Variants in ERAP2 observed in about 807,000 individuals in gnomAD.
The protein encoded by ERAP2 is leukocyte-derived arginine aminopeptidase.
A neutral mutation model predicts 111.1 loss-of-function variants in ERAP2; 118 were observed. That is an observed-to-expected ratio of 1.06 (90% confidence interval 0.92 to 1.24). The LOEUF (loss-of-function observed/expected upper bound fraction) is 1.24, where lower values mean the gene tolerates loss of function less well. Ranked by LOEUF, ERAP2 falls within the 50% of genes most tolerant of loss-of-function variation. The pLI, the probability that ERAP2 is intolerant of heterozygous loss-of-function variation, is 0.00. For synonymous variants in ERAP2, 410 were observed against 401.2 expected, an observed-to-expected ratio of 1.02 and a Z score of -0.26; for missense variants, 1,131 against 1,125.8, an observed-to-expected ratio of 1.00 and a Z score of -0.07.
chr5:96,906,572 G>A (rs946971504), intron 13 of ERAP2, among the ~76,000 whole-genome samples: 8 of 152,214 alleles, frequency 5.3e-5, no homozygotes, highest in African/African-American at 1.9e-4. Context: ...CCAGAATGGA[G>A]AGAGAATTTG....
chr5:96,910,327 G>C (rs183002362), intron 15 of ERAP2: 1 of 150,320 alleles, frequency 6.7e-6, no homozygotes, highest in Non-Finnish European at 1.5e-5. Context: ...AACTTCTCTC[G>C]CTATAACTAA....
chr5:96,893,503 G>C (rs1334593722), intron 6 of ERAP2, among the ~76,000 whole-genome samples: 1 of 152,140 alleles, frequency 6.6e-6, no homozygotes, highest in African/African-American at 2.4e-5. Flanking sequence ...TAGGTGTTTT[G>C]ATCATGAGTC....
At chr5:96,909,148 T>C (rs1786429882) in intron 14 of ERAP2, 31 bp downstream of exon 14, 2 of 1,602,490 alleles carry the variant, frequency 1.2e-6, no homozygotes, top group Middle Eastern at 1.7e-4. Context: ...ATGTATTAAG[T>C]AAATACACAG....
intron 2 of ERAP2, among the ~76,000 whole-genome samples, chr5:96,883,386 G>A (rs1371916764): frequency 6.6e-6 from 1 of 152,162 alleles, no homozygotes; most frequent in Non-Finnish European, 1.5e-5. Context: ...TTACTCAAAT[G>A]TCTATCTGAG....
At chr5:96,909,220 G>A in intron 14 of ERAP2, 103 bp downstream of exon 14, 1 of 1,111,884 alleles carries the variant, frequency 9.0e-7, no homozygotes. Context: ...TAAATCTGGA[G>A]CAGCTCGGGG....
At chr5:96,895,020 G>T (rs1362097496) in intron 6 of ERAP2, among the ~76,000 whole-genome samples, 2 of 151,814 alleles carry the variant, frequency 1.3e-5, no homozygotes, top group African/African-American at 4.8e-5. Context: ...TAAGGGCATT[G>T]AGAACACACA....
chr5:96,915,779 T>G lies in ERAP2; in HGVS notation c.2739+10T>G. ...GGATAAGTTGCAAGAGGTTTGTGAC[T>G]TTCTGTTTTTAACAATTTCAAAATA... On this transcript the variant is annotated intron_variant, in intron 18 of 18. Coordinates refer to ENST00000437043, the MANE Select transcript of ERAP2 (RefSeq NM_022350.5). The G allele has an allele frequency of 6.3e-7, 1 of 1,582,350 alleles. No homozygotes were observed. Among genetic ancestry groups the G allele is most frequent in the Non-Finnish European group, 8.6e-7 (1 of 1,162,946 alleles).
At chr5:96,876,970 GTATTTATT>G (rs1428837223) in intron 1 of ERAP2, among the ~76,000 whole-genome samples, 1 of 151,844 alleles carries the variant, frequency 6.6e-6, no homozygotes, top group African/African-American at 2.4e-5. Flanking sequence ...TTTAATTTAT[GTATTTATT>G]TATTTATTTA....
chr5:96,885,742 G>A (rs1234532653), intron 3 of ERAP2, among the ~76,000 whole-genome samples: 1 of 152,028 alleles, frequency 6.6e-6, no homozygotes, highest in South Asian at 2.1e-4. Context: ...CTAGCTTGAA[G>A]AAAATGTTTT....
chr5:96,879,935 C>T lies in ERAP2; in HGVS notation c.250C>T (p.Pro84Ser). ...TCTCCATTATGACCTCTTTGTCCAC[C>T]CCAATCTCACCTCTCTGGACTTTGT... ...IPLHYDLFVH[P>S]NLTSLDFVAS... The change falls in exon 2 of 19, where the codon CCC becomes TCC. Residue 84 changes from proline to serine, a missense_variant. This residue lies in a region of ERAP2 where 847 missense variants were observed against 856.5 expected (regional missense o/e 0.99). Transcript: ENST00000437043. 1 of 1,614,152 alleles carries T rather than the reference C, an allele frequency of 6.2e-7. No homozygotes were observed. Among genetic ancestry groups the T allele is most frequent in the Non-Finnish European group, 8.5e-7 (1 of 1,180,030 alleles).
chr5:96,908,755 A>G (rs1340484171), intron 13 of ERAP2, among the ~76,000 whole-genome samples: 1 of 152,228 alleles, frequency 6.6e-6, no homozygotes, highest in Admixed American at 6.5e-5. Flanking sequence ...TCCCCATTGT[A>G]TAAAGAAGGC....
chr5:96,918,083 C>T lies in ERAP2; in HGVS notation c.*478C>T, dbSNP rs546983263. The T allele has an allele frequency of 2.0e-5, 3 of 152,738 alleles. No homozygotes were observed. The East Asian group carries it at 5.6e-4, about 29-fold the overall frequency. 9.5% of individuals were successfully genotyped at this position (152,738 alleles called of 1,614,324 possible). On this transcript the variant is annotated 3_prime_UTR_variant, in exon 19 of 19. Transcript: ENST00000437043. Reference sequence around the variant, plus strand: ...AGAAATCAGGCAGTGCAGCTGCCTGCTCTCAGCTATCGTATCCAGCCAAAA... The same window carrying T: ...AGAAATCAGGCAGTGCAGCTGCCTGTTCTCAGCTATCGTATCCAGCCAAAA...
At chr5:96,877,467 C>T (rs1230361) in intron 1 of ERAP2, among the ~76,000 whole-genome samples, 1 of 152,040 alleles carries the variant, frequency 6.6e-6, no homozygotes. Context: ...GTTATAACCT[C>T]AATAATAATT....
chr5:96,880,172 T>C lies in ERAP2; in HGVS notation c.487T>C (p.Tyr163His), dbSNP rs1294447131. ...PEKLTPHLKYYVAMDFQAKLG... is the reference protein window; with the variant it reads ...PEKLTPHLKYHVAMDFQAKLG... Reference sequence around the variant, plus strand: ...GAAACTTACGCCTCACCTGAAATACTATGTGGCTATGGACTTCCAAGCCAA... The same window carrying C: ...GAAACTTACGCCTCACCTGAAATACCATGTGGCTATGGACTTCCAAGCCAA... Residue 163 changes from tyrosine (Y) to histidine (H), a missense_variant, in exon 2 of 19, where the codon TAT (tyrosine) becomes CAT (histidine). Tyr to His is a moderately conservative substitution (Grantham distance 83). This residue lies in a region of ERAP2 where 847 missense variants were observed against 856.5 expected (regional missense o/e 0.99). Transcript: ENST00000437043. 2 of 1,614,088 alleles carry C rather than the reference T, an allele frequency of 1.2e-6. No homozygotes were observed. Among genetic ancestry groups the C allele is most frequent in the Middle Eastern group, 1.6e-4 (1 of 6,062 alleles).
intron 12 of ERAP2, 137 bp downstream of exon 12, chr5:96,902,490 T>C: frequency 1.8e-6 from 1 of 571,014 alleles, no homozygotes; most frequent in Admixed American, 3.2e-5. Flanking sequence ...TATCCATATG[T>C]TACTAAAATA....
At chr5:96,904,535 A>G (rs1785827868) in intron 13 of ERAP2, among the ~76,000 whole-genome samples, 2 of 152,214 alleles carry the variant, frequency 1.3e-5, no homozygotes, top group South Asian at 4.1e-4. Flanking sequence ...TCTCAGGAAC[A>G]TCTTGGAGGC....
rs1019503 is a variant in ERAP2 at position 96,919,113 on chromosome 5, G to A, written c.*1508G>A. On this transcript the variant is annotated 3_prime_UTR_variant, in exon 19 of 19. Coordinates refer to ENST00000437043, the MANE Select transcript of ERAP2 (RefSeq NM_022350.5). ...GACTGATGTTTGCATTATTAAGGAA[G>A]ACTTGGGATGTTGGGTCAAGAGGGG... 0.5 allele frequency: 75,915 copies of A among 152,044 alleles called. 19,132 individuals are homozygous for A. The highest frequency in any genetic ancestry group is 0.57 in the African/African-American group (23,649 of 41,464). 9.4% of individuals were successfully genotyped at this position (152,044 alleles called of 1,614,324 possible).
At chr5:96,900,611 G>A (rs1785344383) in intron 10 of ERAP2, among the ~76,000 whole-genome samples, 1 of 151,958 alleles carries the variant, frequency 6.6e-6, no homozygotes, top group Non-Finnish European at 1.5e-5. Flanking sequence ...CATCACAGGG[G>A]AAGAAAGGAA....
Position 96,880,155 on chromosome 5 carries a change from C to A in ERAP2, c.470C>A (p.Thr157Lys). 6.2e-7 allele frequency: 1 copy of A among 1,614,034 alleles called. No individual in the cohort carries two copies. The highest frequency in any genetic ancestry group is 8.5e-7 in the Non-Finnish European group (1 of 1,179,972). Residue 157 changes from threonine (T) to lysine (K), a missense_variant, in exon 2 of 19, where the codon ACG (threonine) becomes AAG (lysine). Coordinates refer to ENST00000437043, the MANE Select transcript of ERAP2 (RefSeq NM_022350.5). ...GCACTGCTGGTTCCAGAGAAACTTA[C>A]GCCTCACCTGAAATACTATGTGGCT... is the stretch of plus-strand genomic sequence containing the variant. ...QIALLVPEKL[T>K]PHLKYYVAMD...
Sources: allele counts gnomAD v4.1 joint callset (sites outside exome capture counted in the v4.1 genomes callset), GRCh38; gene constraint gnomAD v4.1.1; regional missense constraint gnomAD v4.1.1; transcripts MANE v1.5; gene names NCBI Gene and HGNC (gene_info 2026-07-23, HGNC 2026-07-21).